The following DNAH11 variants were observed in gnomAD, a reference collection of about 807,000 sequenced individuals.
The protein encoded by DNAH11 is dynein axonemal heavy chain 11.
Under a neutral mutation model 526.0 loss-of-function variants are expected in DNAH11, and 442 were observed. That is an observed-to-expected ratio of 0.84 (90% CI 0.78 to 0.91). The LOEUF is 0.91. DNAH11 is among the 40% of genes least tolerant of loss of function. DNAH11 has a pLI of 0.00. For missense variants in DNAH11, 6,989 were observed against 5,448.7 expected, an observed-to-expected ratio of 1.28 and a Z score of -8.90; for synonymous variants, 2,461 against 1,935.9, an observed-to-expected ratio of 1.27 and a Z score of -7.12.
At position 21,564,336 on chromosome 7, in the gene DNAH11, ATAACAC is replaced by A. The variant is rs765249771; in HGVS notation, c.1134_1139del (p.Asn379_Thr380del). 3.0e-5 allele frequency: 49 copies of A among 1,613,562 alleles called. No individual in the cohort carries two copies. In the African/African-American group the frequency reaches 6.1e-4, roughly 20 times the overall value. ...CTGATCTGGAGTCATTCCAAGTTTT[ATAACAC>A]CCCAGCTCGGGTTATAGTTTTATTG... On this transcript the variant is annotated inframe_deletion, in exon 6 of 82. Transcript: ENST00000409508.
At chr7:21,641,027 G>A (rs769239126) in intron 28 of DNAH11, among the ~76,000 whole-genome samples, 6 of 152,086 alleles carry the variant, frequency 3.9e-5, no homozygotes, top group Non-Finnish European at 8.8e-5. Context: ...AGGTCCTCTG[G>A]ACAAAGGGAA....
At chr7:21,628,352 T>C (rs935125378) in intron 25 of DNAH11, among the ~76,000 whole-genome samples, 2 of 152,058 alleles carry the variant, frequency 1.3e-5, no homozygotes, top group African/African-American at 2.4e-5. Context: ...TGAAAATGGG[T>C]ATCTTGTCTT....
In DNAH11 at chr7:21,690,720, A is replaced by G. The variant is rs1207877905; in HGVS notation, c.5925-45A>G. On this transcript the variant is annotated intron_variant, in intron 34 of 81. Coordinates refer to ENST00000409508, the MANE Select transcript of DNAH11 (RefSeq NM_001277115.2). ...TTTGCATTTGTCAATGTGCATTCAT[A>G]TTCAATGAACACATTTAATTTCATC... 2.8e-6 allele frequency: 4 copies of G among 1,433,538 alleles called. No individual in the cohort carries two copies. The Admixed American group carries it at 5.4e-5, about 19-fold the overall frequency. 88.8% of individuals were successfully genotyped at this position (1,433,538 alleles called of 1,614,324 possible). A position where few individuals can be genotyped will look rare whatever the true frequency, so the allele number is the denominator to read the frequency against.
At chr7:21,887,414 T>A (rs2128045203) in intron 76 of DNAH11, among the ~76,000 whole-genome samples, 1 of 152,348 alleles carries the variant, frequency 6.6e-6, no homozygotes, top group South Asian at 2.1e-4. Flanking sequence ...ACCTTAAAGT[T>A]ATCATATAAT....
chr7:21,642,769 TG>T lies in DNAH11; in HGVS notation c.4944+3705del, dbSNP rs1316092404. On this transcript the variant is annotated intron_variant, in intron 28 of 81. Transcript: ENST00000409508. ...CCAAGTGAGAGTTTCTGCAGTTAATTGTGGAATGTGATCAGCTTGAATAGAC... is the reference window on the plus strand; with the variant it reads ...CCAAGTGAGAGTTTCTGCAGTTAATTTGGAATGTGATCAGCTTGAATAGAC... Among the ~76,000 whole-genome samples the T allele has an allele frequency of 2.4e-4, 36 of 152,210 alleles. No homozygotes were observed. In the East Asian group the frequency reaches 4.4e-3, roughly 19 times the overall value.
intron 44 of DNAH11, among the ~76,000 whole-genome samples, chr7:21,723,881 G>C (rs941391211): frequency 6.6e-6 from 1 of 151,992 alleles, no homozygotes; most frequent in Non-Finnish European, 1.5e-5. Context: ...AATTAAAATA[G>C]GTTGCCTCTG....
Position 21,702,701 on chromosome 7 carries a change from T to C in DNAH11, c.6181-9T>C. On this transcript the variant is annotated splice_polypyrimidine_tract_variant and intron_variant, in intron 36 of 81. Transcript: ENST00000409508. Reference sequence around the variant, plus strand: ...AATTTTTGAGAAAATAAACCTGTTTTGATTTTAGGATCATTACGACTGGGG... The same window carrying C: ...AATTTTTGAGAAAATAAACCTGTTTCGATTTTAGGATCATTACGACTGGGG... 1 of 1,612,466 alleles carries C rather than the reference T, an allele frequency of 6.2e-7. No individual in the cohort carries two copies.
chr7:21,746,303 A>G (rs998286828), intron 51 of DNAH11, among the ~76,000 whole-genome samples: 2 of 152,308 alleles, frequency 1.3e-5, no homozygotes, highest in African/African-American at 4.8e-5. Context: ...GAAAAAAGAA[A>G]TCATTGAAAA....
intron 45 of DNAH11, among the ~76,000 whole-genome samples, chr7:21,729,369 T>G (rs114502938): frequency 6.6e-6 from 1 of 152,218 alleles, no homozygotes; most frequent in African/African-American, 2.4e-5. Flanking sequence ...CTAATTTCTT[T>G]ATGGAGTCGT....
intron 35 of DNAH11, among the ~76,000 whole-genome samples, chr7:21,692,191 A>C (rs910792148): frequency 2.0e-5 from 3 of 152,334 alleles, no homozygotes; most frequent in Admixed American, 2.0e-4. Context: ...TTTAGAGATA[A>C]AATTGTAAGG....
intron 30 of DNAH11, among the ~76,000 whole-genome samples, chr7:21,680,798 C>G (rs1266589138): frequency 6.6e-6 from 1 of 152,170 alleles, no homozygotes; most frequent in Non-Finnish European, 1.5e-5. Flanking sequence ...GTAGTCATCA[C>G]TATCTTGTAT....
chr7:21,790,689 G>A (rs992793023), intron 61 of DNAH11, among the ~76,000 whole-genome samples: 5 of 152,138 alleles, frequency 3.3e-5, no homozygotes, highest in Non-Finnish European at 5.9e-5. Context: ...TAACTAGGAT[G>A]GGAAAGGTGT....
At chr7:21,742,365 T>C (rs1562521161) in intron 49 of DNAH11, among the ~76,000 whole-genome samples, 199 bp downstream of exon 49, 2 of 152,072 alleles carry the variant, frequency 1.3e-5, no homozygotes, top group Admixed American at 1.3e-4. Flanking sequence ...CCTCAGGAGC[T>C]GACAATCGTG....
intron 36 of DNAH11, among the ~76,000 whole-genome samples, chr7:21,699,075 G>T (rs1360238894): frequency 2.6e-5 from 4 of 151,984 alleles, no homozygotes; most frequent in African/African-American, 4.8e-5. Flanking sequence ...ATTTTATGTT[G>T]CCTCCCTTTC....
intron 61 of DNAH11, among the ~76,000 whole-genome samples, chr7:21,797,990 T>G (rs574783166): frequency 6.6e-6 from 1 of 152,358 alleles, no homozygotes; most frequent in Non-Finnish European, 1.5e-5. Flanking sequence ...GAAGTAGGTA[T>G]TACTAGGAGT....
rs372924996 is a variant in DNAH11 at position 21,749,813 on chromosome 7, A to C, written c.8797+12A>C. Reference sequence around the variant, plus strand: ...CTTGCTGGCATCAGGTGATTAAACCAACACATTTCTTGAAAGATCTTCCCC... The same window carrying C: ...CTTGCTGGCATCAGGTGATTAAACCCACACATTTCTTGAAAGATCTTCCCC... On this transcript the variant is annotated intron_variant, in intron 53 of 81. Transcript: ENST00000409508. The C allele has an allele frequency of 1.9e-5, 31 of 1,613,210 alleles. No individual in the cohort carries two copies. The highest frequency in any genetic ancestry group is 2.6e-5 in the Non-Finnish European group (31 of 1,179,604).
At chr7:21,874,866 G>GTT (rs1321797811) in intron 74 of DNAH11, among the ~76,000 whole-genome samples, 2 of 151,914 alleles carry the variant, frequency 1.3e-5, no homozygotes, top group East Asian at 1.9e-4. Context: ...TCGCATTCTT[G>GTT]TTAGGACAGT....
At chr7:21,776,929 T>G (rs1787693746) in intron 56 of DNAH11, among the ~76,000 whole-genome samples, 1 of 113,878 alleles carries the variant, frequency 8.8e-6, no homozygotes, top group African/African-American at 3.2e-5. Flanking sequence ...TCCAGTTTTA[T>G]TTGTACGTGT....
At chr7:21,851,294 C>T (rs1304958640) in intron 66 of DNAH11, 1 of 248,608 alleles carries the variant, frequency 4.0e-6, no homozygotes, top group Non-Finnish European at 8.1e-6. Context: ...GAAAGAAGGA[C>T]ATGTTTGCTT....
Sources: gnomAD v4.1 joint callset for allele counts (sites outside exome capture counted in the v4.1 genomes callset) on GRCh38, gnomAD v4.1.1 for gene constraint, MANE v1.5 for transcripts, NCBI Gene and HGNC (gene_info 2026-07-23, HGNC 2026-07-21) for gene names.